The following DEPTOR variants were observed in gnomAD, a reference collection of about 807,000 sequenced individuals.
DEPTOR encodes DEP domain-containing mTOR-interacting protein.
Under a neutral mutation model 41.6 loss-of-function variants are expected in DEPTOR, and 41 were observed. The observed-to-expected ratio is 0.98, with a 90% CI of 0.77 to 1.28. The LOEUF (loss-of-function observed/expected upper bound fraction) is 1.28. Among genes scored for constraint, DEPTOR ranks in the 50% most tolerant of loss-of-function variants. The pLI, the probability that DEPTOR is intolerant of heterozygous loss-of-function variation, is 0.00. For missense variants in DEPTOR, 514 were observed against 527.9 expected (o/e 0.97, Z 0.26); for synonymous variants, 195 against 192.3 (o/e 1.01, Z -0.12).
intron 3 of DEPTOR, among the ~76,000 whole-genome samples, chr8:119,938,867 C>T (rs778326718): frequency 1.3e-5 from 2 of 149,916 alleles, no homozygotes; most frequent in African/African-American, 2.4e-5. Context: ...CCGTTTCTCC[C>T]TCTCTGCCTT....
intron 3 of DEPTOR, among the ~76,000 whole-genome samples, chr8:119,947,904 C>T (rs1016386982): frequency 3.3e-5 from 5 of 152,104 alleles, no homozygotes; most frequent in African/African-American, 1.2e-4. Context: ...GTGCTTTGCT[C>T]TCCTGCCCTC....
intron 1 of DEPTOR, among the ~76,000 whole-genome samples, chr8:119,902,743 A>G (rs1375418429): frequency 6.6e-6 from 1 of 152,204 alleles, no homozygotes; most frequent in Non-Finnish European, 1.5e-5. Flanking sequence ...AAGTAAAGAA[A>G]TACATTTGAA....
At chr8:119,907,858 A>T (rs1827684603) in intron 1 of DEPTOR, among the ~76,000 whole-genome samples, 1 of 152,170 alleles carries the variant, frequency 6.6e-6, no homozygotes, top group Admixed American at 6.6e-5. Flanking sequence ...ATAATATGAA[A>T]TATATTTAGT....
At chr8:119,900,676 A>G (rs1827578996) in intron 1 of DEPTOR, among the ~76,000 whole-genome samples, 2 of 152,050 alleles carry the variant, frequency 1.3e-5, no homozygotes, top group African/African-American at 4.8e-5. Flanking sequence ...GATGTGAATC[A>G]GTGCACCTGG....
chr8:119,953,334 G>C (rs1048938283), intron 3 of DEPTOR, among the ~76,000 whole-genome samples: 2 of 152,170 alleles, frequency 1.3e-5, no homozygotes, highest in Non-Finnish European at 1.5e-5. Flanking sequence ...TGTAATCCCA[G>C]TACTTTGGGA....
At chr8:119,975,941 A>C (rs1828692226) in intron 4 of DEPTOR, among the ~76,000 whole-genome samples, 1 of 142,054 alleles carries the variant, frequency 7.0e-6, no homozygotes, top group Non-Finnish European at 1.5e-5. Flanking sequence ...AGCACAGTGA[A>C]CCGAGATTGT....
intron 4 of DEPTOR, among the ~76,000 whole-genome samples, chr8:119,970,964 C>T (rs1828623894): frequency 6.6e-6 from 1 of 152,140 alleles, no homozygotes; most frequent in Non-Finnish European, 1.5e-5. Context: ...GGCACAGTGG[C>T]TCACACCCGT....
At chr8:119,889,318 C>T (rs1001856466) in intron 1 of DEPTOR, among the ~76,000 whole-genome samples, 1 of 151,398 alleles carries the variant, frequency 6.6e-6, no homozygotes, top group African/African-American at 2.4e-5. Context: ...AGGCTGAGGT[C>T]GGAAGATGGC....
At chr8:119,874,243 G>C (rs927502823) in intron 1 of DEPTOR, 18 of 461,888 alleles carry the variant, frequency 3.9e-5, no homozygotes, top group Admixed American at 1.9e-4. Flanking sequence ...CCTGTGCCGG[G>C]CAAAGTCCCT....
intron 1 of DEPTOR, among the ~76,000 whole-genome samples, chr8:119,891,885 G>A (rs553329462): frequency 6.6e-6 from 1 of 152,206 alleles, no homozygotes; most frequent in African/African-American, 2.4e-5. Flanking sequence ...ACTGCAAAAT[G>A]TTCTTTACTT....
At chr8:120,018,950 G>C (rs1812654135) in intron 8 of DEPTOR, among the ~76,000 whole-genome samples, 1 of 152,220 alleles carries the variant, frequency 6.6e-6, no homozygotes, top group Admixed American at 6.5e-5. Flanking sequence ...CCATGTGCTA[G>C]GCATTATGTT....
intron 1 of DEPTOR, among the ~76,000 whole-genome samples, chr8:119,896,752 C>T (rs1481640922): frequency 2.0e-5 from 3 of 152,140 alleles, no homozygotes; most frequent in Non-Finnish European, 4.4e-5. Context: ...CCTGCCTCGG[C>T]CCCGCAAAGT....
intron 4 of DEPTOR, 83 bp from the exon 5 acceptor site, chr8:120,001,442 G>A (rs921552940): frequency 1.6e-6 from 2 of 1,262,578 alleles, no homozygotes; most frequent in Admixed American, 5.0e-5. Context: ...TTTTGCCGCT[G>A]TTGCCTGCAG....
chr8:119,965,417 G>C lies in DEPTOR; in HGVS notation c.604+7G>C. 1 of 1,609,764 alleles carries C rather than the reference G, an allele frequency of 6.2e-7. No individual in the cohort carries two copies. Among genetic ancestry groups the C allele is most frequent in the South Asian group, 1.1e-5 (1 of 90,424 alleles). On this transcript the variant is annotated splice_region_variant and intron_variant, in intron 4 of 8. Coordinates refer to ENST00000286234, the MANE Select transcript of DEPTOR (RefSeq NM_022783.4). Reference sequence around the variant, plus strand: ...CATGGCATCATCCAGCATGGTGAGCGTATTGGGCAGCTTTTGCTGCAGGAA... The same window carrying C: ...CATGGCATCATCCAGCATGGTGAGCCTATTGGGCAGCTTTTGCTGCAGGAA...
rs1812443292 is a variant in DEPTOR, at chr8:120,006,685, A to C, written c.926-120A>C. 3 of 768,590 alleles carry C rather than the reference A, an allele frequency of 3.9e-6. No individual in the cohort carries two copies. The Admixed American group carries it at 6.6e-5, about 17-fold the overall frequency. 47.6% of individuals were successfully genotyped at this position (768,590 alleles called of 1,614,324 possible). On this transcript the variant is annotated intron_variant, in intron 6 of 8. Coordinates refer to ENST00000286234, the MANE Select transcript of DEPTOR (RefSeq NM_022783.4). ...TCAGCTAAAATATAAACTGTGAGGCAGGGATCTTTGCCACTTTTTCTCACT... is the reference window on the plus strand; with the variant it reads ...TCAGCTAAAATATAAACTGTGAGGCCGGGATCTTTGCCACTTTTTCTCACT...
chr8:120,028,637 T>C (rs13262503), intron 8 of DEPTOR, among the ~76,000 whole-genome samples: 1 of 151,624 alleles, frequency 6.6e-6, no homozygotes, highest in Non-Finnish European at 1.5e-5. Flanking sequence ...ATTTTTTGTG[T>C]GTTTTTAATA....
At chr8:119,930,217 G>C (rs1305451879) in intron 3 of DEPTOR, among the ~76,000 whole-genome samples, 1 of 152,060 alleles carries the variant, frequency 6.6e-6, no homozygotes, top group Non-Finnish European at 1.5e-5. Flanking sequence ...CAAATGATGT[G>C]GATGCCCCTT....
intron 3 of DEPTOR, among the ~76,000 whole-genome samples, chr8:119,942,740 A>T (rs1250870957): frequency 6.6e-6 from 1 of 152,232 alleles, no homozygotes; most frequent in Non-Finnish European, 1.5e-5. Context: ...AGGACATGTC[A>T]GAGTTCTTAT....
At chr8:120,030,739 A>G (rs1812879082) in intron 8 of DEPTOR, among the ~76,000 whole-genome samples, 1 of 151,752 alleles carries the variant, frequency 6.6e-6, no homozygotes, top group South Asian at 2.1e-4. Context: ...TCCTGACCTC[A>G]AGTAATGCAC....
Sources: gnomAD v4.1 joint callset for allele counts (sites outside exome capture counted in the v4.1 genomes callset) on GRCh38, gnomAD v4.1.1 for gene constraint, MANE v1.5 for transcripts, NCBI Gene and HGNC (gene_info 2026-07-23, HGNC 2026-07-21) for gene names.